The following LOC400499 variants were observed in gnomAD, a reference collection of about 807,000 sequenced individuals.
the LOC400499 span, among the ~76,000 whole-genome samples, chr16:11,376,701 G>C: frequency 6.6e-6 from 1 of 152,118 alleles, no homozygotes; most frequent in African/African-American, 2.4e-5. Context: ...ATCAACTTTA[G>C]GATGGATTTT....
the LOC400499 span, among the ~76,000 whole-genome samples, chr16:11,473,835 T>C: frequency 2.0e-5 from 3 of 151,664 alleles, no homozygotes; most frequent in Admixed American, 6.6e-5. Flanking sequence ...AAGGGCCAGA[T>C]TGTTTGTTTG....
chr16:11,481,944 C>T, the LOC400499 span, among the ~76,000 whole-genome samples: 12 of 151,994 alleles, frequency 7.9e-5, no homozygotes, highest in Non-Finnish European at 1.6e-4. Context: ...CAATTGCTCA[C>T]GTTAAAATGG....
At chr16:11,496,904 GT>G in the LOC400499 span, among the ~76,000 whole-genome samples, 1 of 143,564 alleles carries the variant, frequency 7.0e-6, no homozygotes, top group African/African-American at 2.9e-5. Flanking sequence ...GTGTGTGTGT[GT>G]GTGTGTGTGT....
chr16:11,514,641 G>C, the LOC400499 span: 5 of 398,590 alleles, frequency 1.3e-5, no homozygotes, highest in Middle Eastern at 6.2e-4. Context: ...CATCAGAGCT[G>C]TAGACCCCCC....
At chr16:11,493,115 T>C in the LOC400499 span, among the ~76,000 whole-genome samples, 1 of 152,014 alleles carries the variant, frequency 6.6e-6, no homozygotes, top group East Asian at 1.9e-4. Flanking sequence ...AGAGGTCAGA[T>C]CCCTCAGGGC....
At chr16:11,446,158 G>A in the LOC400499 span, among the ~76,000 whole-genome samples, 4 of 148,794 alleles carry the variant, frequency 2.7e-5, no homozygotes, top group South Asian at 2.1e-4. Flanking sequence ...GTTGGGGGGC[G>A]GGGGAGTGGT....
chr16:11,459,822 T>C, the LOC400499 span: 10 of 1,244,832 alleles, frequency 8.0e-6, no homozygotes, highest in African/African-American at 3.1e-5. Context: ...CAGAGGGCCA[T>C]GTGGGGGTTC....
the LOC400499 span, chr16:11,411,476 AC>A: frequency 2.5e-6 from 1 of 396,542 alleles, no homozygotes; most frequent in Non-Finnish European, 4.4e-6. Context: ...CTATTCACAC[AC>A]CCCGAGGCCC....
the LOC400499 span, among the ~76,000 whole-genome samples, chr16:11,382,389 G>A: frequency 1.3e-5 from 2 of 149,882 alleles, no homozygotes; most frequent in East Asian, 2.0e-4. Context: ...TACTCCTGTT[G>A]TTGCCACTGA....
chr16:11,430,753 T>G, the LOC400499 span, among the ~76,000 whole-genome samples: 1 of 152,000 alleles, frequency 6.6e-6, no homozygotes, highest in Non-Finnish European at 1.5e-5. Context: ...TGCACCCAAC[T>G]CTCCCTCCTG....
the LOC400499 span, among the ~76,000 whole-genome samples, chr16:11,411,492 G>T: frequency 6.6e-6 from 1 of 152,190 alleles, no homozygotes; most frequent in East Asian, 1.9e-4. Flanking sequence ...AGGCCCAAGG[G>T]CCATACGGTG....
the LOC400499 span, among the ~76,000 whole-genome samples, chr16:11,483,533 TA>T: frequency 1.3e-5 from 2 of 152,044 alleles, no homozygotes; most frequent in Non-Finnish European, 1.5e-5. Context: ...TTATGCTGAA[TA>T]AAAGAAGCCA....
chr16:11,488,948 C>T, the LOC400499 span: 3 of 397,288 alleles, frequency 7.6e-6, no homozygotes, highest in Admixed American at 4.4e-5. Context: ...AAGACCCTCC[C>T]GACCCCCATC....
the LOC400499 span, chr16:11,514,621 A>C: frequency 1.3e-5 from 5 of 399,054 alleles, no homozygotes; most frequent in Non-Finnish European, 2.2e-5. Context: ...GGGAGGAGGG[A>C]CGAGGGACAC....
the LOC400499 span, chr16:11,396,665 A>AC: frequency 1.6e-6 from 2 of 1,231,646 alleles, no homozygotes; most frequent in Non-Finnish European, 2.0e-6. Flanking sequence ...CTCCCCGACG[A>AC]CCAAGAGGGC....
At chr16:11,430,672 T>C in the LOC400499 span, among the ~76,000 whole-genome samples, 51 of 152,334 alleles carry the variant, frequency 3.3e-4, 2 homozygotes, top group South Asian at 9.5e-3. Flanking sequence ...TGCATTGTTC[T>C]TGCAACTTTT....
At chr16:11,469,634 G>A in the LOC400499 span, 1 of 399,090 alleles carries the variant, frequency 2.5e-6, no homozygotes, top group East Asian at 3.6e-5. Flanking sequence ...ATGAAGACGT[G>A]GGCTGTGGCT....
At chr16:11,416,531 C>A in the LOC400499 span, among the ~76,000 whole-genome samples, 31 of 152,306 alleles carry the variant, frequency 2.0e-4, no homozygotes, top group African/African-American at 6.7e-4. Flanking sequence ...ATGCACCCTA[C>A]GGCGAAGCAG....
chr16:11,516,320 G>A, the LOC400499 span: 255,318 of 398,956 alleles, frequency 0.64, 84,570 homozygotes, highest in Non-Finnish European at 0.71. Flanking sequence ...GCAGGAGGGC[G>A]GACAGGGGTC....
Sources: gnomAD v4.1 joint callset for allele counts (sites outside exome capture counted in the v4.1 genomes callset) on GRCh38, gnomAD v4.1.1 for gene constraint, MANE v1.5 for transcripts.